ANKS1B: variants seen among roughly 807,000 people sequenced by gnomAD.
The protein encoded by ANKS1B is ankyrin repeat and sterile alpha motif domain containing 1B.
Under a neutral mutation model 148.3 loss-of-function variants are expected in ANKS1B, and 36 were observed. That is an observed-to-expected ratio of 0.24 (90% CI 0.19 to 0.32). The LOEUF (loss-of-function observed/expected upper bound fraction) is 0.32, where lower values mean the gene tolerates loss of function less well. Ranked by LOEUF, ANKS1B falls within the 10% of genes least tolerant of loss-of-function variation. ANKS1B has a pLI of 1.00. For missense variants in ANKS1B, 1,157 were observed against 1,542.6 expected (o/e 0.75, Z 4.19); for synonymous variants, 542 against 560.8 (o/e 0.97, Z 0.47).
intron 8 of ANKS1B, among the ~76,000 whole-genome samples, chr12:99,675,055 G>A (rs899227737): frequency 6.6e-6 from 1 of 151,900 alleles, no homozygotes; most frequent in African/African-American, 2.4e-5. Flanking sequence ...ATAGCAAGGA[G>A]ATAACATGTT....
chr12:99,309,543 G>A (rs1440007070), intron 12 of ANKS1B, among the ~76,000 whole-genome samples: 1 of 151,976 alleles, frequency 6.6e-6, no homozygotes, highest in Non-Finnish European at 1.5e-5. Flanking sequence ...ATCAAGTGGT[G>A]CATCTTAATG....
intron 1 of ANKS1B, among the ~76,000 whole-genome samples, chr12:99,887,532 T>C (rs1213375993): frequency 7.2e-5 from 11 of 152,160 alleles, no homozygotes; most frequent in African/African-American, 2.7e-4. Context: ...TCAGTATGGT[T>C]GAATAATAGA....
chr12:99,493,220 G>A (rs868445604), intron 10 of ANKS1B, among the ~76,000 whole-genome samples: 1 of 152,194 alleles, frequency 6.6e-6, no homozygotes, highest in African/African-American at 2.4e-5. Context: ...AGCAAAAATA[G>A]TAGTTAAAAA....
intron 17 of ANKS1B, among the ~76,000 whole-genome samples, chr12:98,905,634 T>C (rs1376816762): frequency 6.6e-6 from 1 of 151,984 alleles, no homozygotes; most frequent in Non-Finnish European, 1.5e-5. Flanking sequence ...TAGCCTGGCA[T>C]GGTGGTGCAC....
chr12:99,113,969 C>T (rs1230976170), intron 15 of ANKS1B, among the ~76,000 whole-genome samples: 2 of 152,196 alleles, frequency 1.3e-5, no homozygotes, highest in Non-Finnish European at 2.9e-5. Context: ...GCTTCCCCTA[C>T]ACACACTTTT....
intron 2 of ANKS1B, among the ~76,000 whole-genome samples, chr12:99,819,000 G>A (rs1280291582): frequency 2.0e-5 from 3 of 151,782 alleles, no homozygotes; most frequent in Non-Finnish European, 3.0e-5. Flanking sequence ...AACCAAAGAT[G>A]TTTATTTCAT....
intron 14 of ANKS1B, among the ~76,000 whole-genome samples, chr12:99,188,871 C>A (rs1419898915): frequency 6.6e-6 from 1 of 152,114 alleles, no homozygotes; most frequent in East Asian, 1.9e-4. Flanking sequence ...GAGACAGAGA[C>A]ACGAAATACC....
chr12:99,563,247 C>T (rs1186342900), intron 9 of ANKS1B, among the ~76,000 whole-genome samples: 2 of 152,162 alleles, frequency 1.3e-5, no homozygotes, highest in Non-Finnish European at 2.9e-5. Context: ...TTTGCGTTTA[C>T]AATTTGGATA....
intron 9 of ANKS1B, among the ~76,000 whole-genome samples, chr12:99,550,955 C>T (rs145955668): frequency 9.9e-5 from 15 of 152,240 alleles, no homozygotes; most frequent in African/African-American, 2.9e-4. Context: ...AAGTGTTATG[C>T]TCTAATTTGT....
At chr12:99,373,691 G>GTT (rs143795955) in intron 12 of ANKS1B, among the ~76,000 whole-genome samples, 1 of 147,110 alleles carries the variant, frequency 6.8e-6, no homozygotes, top group South Asian at 2.2e-4. Flanking sequence ...TTCATTTTTT[G>GTT]TTTTTTTTTT....
At chr12:99,342,704 T>C (rs569626776) in intron 12 of ANKS1B, among the ~76,000 whole-genome samples, 45 of 152,178 alleles carry the variant, frequency 3.0e-4, no homozygotes, top group Admixed American at 2.7e-3. Flanking sequence ...TGAATCACTT[T>C]TGTGGATGCT....
intron 9 of ANKS1B, among the ~76,000 whole-genome samples, chr12:99,543,130 A>G (rs945695778): frequency 2.0e-5 from 3 of 152,098 alleles, no homozygotes; most frequent in Non-Finnish European, 4.4e-5. Flanking sequence ...ATAATTAACA[A>G]TAAAAAGACA....
chr12:99,544,421 T>A (rs188759586), intron 9 of ANKS1B, among the ~76,000 whole-genome samples: 1 of 152,276 alleles, frequency 6.6e-6, no homozygotes, highest in Admixed American at 6.5e-5. Context: ...CTTTATTATG[T>A]GCAGCAAGTC....
intron 11 of ANKS1B, among the ~76,000 whole-genome samples, chr12:99,428,574 A>G (rs981710425): frequency 1.1e-4 from 16 of 152,198 alleles, no homozygotes; most frequent in African/African-American, 3.9e-4. Context: ...CTTTCAATAT[A>G]TGTTGAGATG....
intron 7 of ANKS1B, 40 bp from the exon 8 acceptor site, chr12:99,773,128 T>C (rs1435239871): frequency 6.5e-7 from 1 of 1,531,282 alleles, no homozygotes; most frequent in Non-Finnish European, 8.9e-7. Context: ...AGAAAGGCTA[T>C]TGTTAAAACT....
chr12:99,628,654 A>C (rs1053180532), intron 9 of ANKS1B, among the ~76,000 whole-genome samples: 1 of 152,184 alleles, frequency 6.6e-6, no homozygotes, highest in Non-Finnish European at 1.5e-5. Context: ...TTATTCAAAA[A>C]TTAGAGATTT....
intron 12 of ANKS1B, among the ~76,000 whole-genome samples, chr12:99,393,096 TGATAGATAGATAGATA>T (rs143927175): frequency 2.0e-5 from 3 of 150,558 alleles, no homozygotes; most frequent in Admixed American, 6.6e-5. Context: ...GATAGACAGA[TGATAGATAGATAGATA>T]GATAGATAGA....
At chr12:99,225,240 T>G (rs1156606173) in intron 14 of ANKS1B, among the ~76,000 whole-genome samples, 2 of 152,004 alleles carry the variant, frequency 1.3e-5, no homozygotes, top group Admixed American at 1.3e-4. Flanking sequence ...CTTTCTAGAG[T>G]TTAAAAGCTG....
intron 9 of ANKS1B, among the ~76,000 whole-genome samples, chr12:99,582,206 G>A (rs913444768): frequency 5.3e-5 from 8 of 151,866 alleles, no homozygotes; most frequent in Admixed American, 2.0e-4. Flanking sequence ...ACCAAGTGAT[G>A]GAAATTATTG....
Sources: allele counts gnomAD v4.1 joint callset (sites outside exome capture counted in the v4.1 genomes callset), GRCh38; gene constraint gnomAD v4.1.1; transcripts MANE v1.5; gene names NCBI Gene and HGNC (gene_info 2026-07-23, HGNC 2026-07-21).